Variants in SLC29A3 observed in about 807,000 individuals in gnomAD.
SLC29A3 encodes solute carrier family 29 member 3.
Under a neutral mutation model 25.4 loss-of-function variants are expected in SLC29A3, and 18 were observed. The ratio of observed to expected loss-of-function variants is 0.71; its 90% CI spans 0.49 to 1.05. The LOEUF (loss-of-function observed/expected upper bound fraction) is 1.05. SLC29A3 is among the 50% of genes least tolerant of loss of function. The pLI, the probability that SLC29A3 is intolerant of heterozygous loss-of-function variation, is 0.00. For synonymous variants in SLC29A3, 258 were observed against 267.1 expected (o/e 0.97, Z 0.33); for missense variants, 586 against 609.0 (o/e 0.96, Z 0.40).
intron 4 of SLC29A3, among the ~76,000 whole-genome samples, chr10:71,352,322 C>T (rs950314579): frequency 1.3e-5 from 2 of 152,076 alleles, no homozygotes; most frequent in Non-Finnish European, 2.9e-5. Flanking sequence ...ACAGATGGAC[C>T]CACCTCTGGG....
intron 2 of SLC29A3, among the ~76,000 whole-genome samples, chr10:71,329,441 G>T (rs1846067467): frequency 7.5e-6 from 1 of 133,854 alleles, no homozygotes; most frequent in African/African-American, 3.1e-5. Flanking sequence ...CTGGGCAACA[G>T]AGCAAGACTC....
chr10:71,365,192 T>C (rs1341092302), downstream of SLC29A3: 2 of 152,018 alleles, frequency 1.3e-5, no homozygotes, highest in African/African-American at 4.8e-5. Context: ...GACCATGCCA[T>C]TGGACTCCAG....
chr10:71,355,217 AG>A (rs1846870072), intron 4 of SLC29A3, among the ~76,000 whole-genome samples: 1 of 152,212 alleles, frequency 6.6e-6, no homozygotes, highest in Non-Finnish European at 1.5e-5. Flanking sequence ...CGTTACCCCT[AG>A]GGTCCCAGCT....
chr10:71,360,374 C>T (rs1377729913), intron 5 of SLC29A3, among the ~76,000 whole-genome samples: 5 of 152,082 alleles, frequency 3.3e-5, no homozygotes, highest in South Asian at 4.1e-4. Flanking sequence ...AACTCCTAAC[C>T]TCAAGTGACC....
chr10:71,325,240 G>T (rs2131799940), intron 2 of SLC29A3, among the ~76,000 whole-genome samples: 1 of 152,286 alleles, frequency 6.6e-6, no homozygotes, highest in East Asian at 1.9e-4. Context: ...CCATAGTGAG[G>T]GAGGCATCCC....
intron 1 of SLC29A3, among the ~76,000 whole-genome samples, chr10:71,321,837 G>A (rs1845852353): frequency 6.6e-6 from 1 of 152,216 alleles, no homozygotes; most frequent in Non-Finnish European, 1.5e-5. Flanking sequence ...AGGGTGTGAT[G>A]AGCAGAGGTG....
At chr10:71,331,758 T>C (rs1441669241) in intron 2 of SLC29A3, among the ~76,000 whole-genome samples, 2 of 152,256 alleles carry the variant, frequency 1.3e-5, no homozygotes, top group African/African-American at 4.8e-5. Flanking sequence ...TCTATGAGGA[T>C]GCGTCATGTC....
At chr10:71,341,189 A>C (rs1027513449) in intron 2 of SLC29A3, among the ~76,000 whole-genome samples, 41 of 152,182 alleles carry the variant, frequency 2.7e-4, no homozygotes, top group African/African-American at 9.6e-4. Flanking sequence ...GCAGCCTAGC[A>C]GGGCGTGGGG....
intron 4 of SLC29A3, 96 bp downstream of exon 4, chr10:71,351,884 G>T: frequency 9.6e-7 from 1 of 1,046,696 alleles, no homozygotes. Context: ...TTCTGAAAAG[G>T]AAATGGCATG....
At chr10:71,367,641 A>G (rs1054279890), downstream of SLC29A3, among the ~76,000 whole-genome samples, 1 of 152,192 alleles carries the variant, frequency 6.6e-6, no homozygotes, top group Non-Finnish European at 1.5e-5. Context: ...TGAGATGGCG[A>G]ACTCAACTTC....
chr10:71,354,467 G>T (rs1030802388), intron 4 of SLC29A3, among the ~76,000 whole-genome samples: 1 of 152,216 alleles, frequency 6.6e-6, no homozygotes, highest in Non-Finnish European at 1.5e-5. Flanking sequence ...GCTGGGGAAA[G>T]GATCCTCCGT....
chr10:71,381,087 T>A (rs1847300009), exon 5 of SLC29A3: 1 of 152,196 alleles, frequency 6.6e-6, no homozygotes, highest in South Asian at 2.1e-4. Flanking sequence ...TAGGTATTGC[T>A]AAAAATAAGG....
downstream of SLC29A3, among the ~76,000 whole-genome samples, chr10:71,366,781 A>G (rs371628021): frequency 1.3e-5 from 2 of 152,196 alleles, no homozygotes; most frequent in African/African-American, 4.8e-5. Context: ...TGACATATTT[A>G]TAGTACATTC....
chr10:71,362,067 C>G lies in SLC29A3; in HGVS notation c.887C>G (p.Pro296Arg). ...TCCAGATTCATTGATTCCCACACACCCCCTCTCCGCCCCATCCTGAAGAAG... is the reference window on the plus strand; with the variant it reads ...TCCAGATTCATTGATTCCCACACACGCCCTCTCCGCCCCATCCTGAAGAAG... Reference protein sequence around the residue: ...VASRFIDSHTPPLRPILKKTA... With the variant: ...VASRFIDSHTRPLRPILKKTA... Residue 296 changes from proline to arginine, a missense_variant, in exon 6 of 6, where the codon CCC (proline) becomes CGC (arginine). Coordinates refer to ENST00000373189, the MANE Select transcript of SLC29A3 (RefSeq NM_018344.6). 1 of 1,614,150 alleles carries G rather than the reference C, an allele frequency of 6.2e-7. No individual in the cohort carries two copies. The highest frequency in any genetic ancestry group is 8.5e-7 in the Non-Finnish European group (1 of 1,180,038).
chr10:71,371,277 C>T (rs768719708), intron 3 of SLC29A3, among the ~76,000 whole-genome samples: 15 of 152,326 alleles, frequency 9.8e-5, no homozygotes, highest in South Asian at 2.1e-4. Context: ...TTTCACCCAA[C>T]GGCCTCCATC....
intron 2 of SLC29A3, among the ~76,000 whole-genome samples, chr10:71,338,431 C>T (rs1276225580): frequency 6.6e-6 from 1 of 152,158 alleles, no homozygotes; most frequent in Non-Finnish European, 1.5e-5. Flanking sequence ...TATTCCTTTA[C>T]TCTTGTCTAC....
chr10:71,376,599 G>T (rs976030394), intron 4 of SLC29A3, among the ~76,000 whole-genome samples: 1 of 152,192 alleles, frequency 6.6e-6, no homozygotes, highest in African/African-American at 2.4e-5. Context: ...AGAAGCTTCT[G>T]AAGTTTGTCA....
At chr10:71,353,782 T>C (rs1007765116) in intron 4 of SLC29A3, among the ~76,000 whole-genome samples, 7 of 152,196 alleles carry the variant, frequency 4.6e-5, no homozygotes, top group African/African-American at 1.7e-4. Context: ...GAACAATTCA[T>C]TTGTTTTGCG....
Position 71,362,170 on chromosome 10 carries a change from C to A in SLC29A3, c.990C>A (p.Ile330=). The change falls in exon 6 of 6, where the codon ATC becomes ATA. Residue 330 remains isoleucine (I), a synonymous_variant. Transcript: ENST00000373189. ...TCTACCCCGCCATCTGCACCAACAT[C>A]GAGTCCCTCAACAAGGGTTCGGGCT... ...SLIYPAICTN[I]ESLNKGSGSL... is the part of the protein sequence containing the mutation. 3 of 1,614,116 alleles carry A rather than the reference C, an allele frequency of 1.9e-6. No homozygotes were observed. The highest frequency in any genetic ancestry group is 2.5e-6 in the Non-Finnish European group (3 of 1,180,004).
Sources: allele counts gnomAD v4.1 joint callset (sites outside exome capture counted in the v4.1 genomes callset), GRCh38; gene constraint gnomAD v4.1.1; transcripts MANE v1.5; gene names NCBI Gene and HGNC (gene_info 2026-07-23, HGNC 2026-07-21).